Variants in PATJ observed in about 807,000 individuals in gnomAD.
The protein encoded by PATJ is PATJ crumbs cell polarity complex component, also known as inaD-like protein.
PATJ carries 190 observed loss-of-function variants against 224.9 expected under a neutral mutation model. The observed-to-expected ratio is 0.84, with a 90% CI of 0.75 to 0.95. The LOEUF is 0.95. Ranked by LOEUF, PATJ falls within the 40% of genes least tolerant of loss-of-function variation. The probability of loss-of-function intolerance (pLI) is 0.00; values close to 1 mark genes in which losing one functional copy is unlikely to be tolerated. For synonymous variants in PATJ, 769 were observed against 820.3 expected (o/e 0.94, Z 1.07); for missense variants, 2,121 against 2,270.3 (o/e 0.93, Z 1.34).
chr1:62,127,368 A>G (rs1665822813), intron 39 of PATJ, among the ~76,000 whole-genome samples: 1 of 151,242 alleles, frequency 6.6e-6, no homozygotes, highest in East Asian at 1.9e-4. Context: ...CAGGCATACA[A>G]GCCTGAGAAC....
intron 7 of PATJ, among the ~76,000 whole-genome samples, chr1:61,783,569 T>C (rs931898303): frequency 1.3e-5 from 2 of 150,658 alleles, no homozygotes; most frequent in East Asian, 2.0e-4. Flanking sequence ...GCATGAGCCA[T>C]GGTACCTGGA....
At chr1:62,077,921 G>A (rs535887431) in intron 31 of PATJ, among the ~76,000 whole-genome samples, 1 of 152,332 alleles carries the variant, frequency 6.6e-6, no homozygotes, top group East Asian at 1.9e-4. Context: ...AACTGTCGGG[G>A]TTGTTCATGT....
intron 24 of PATJ, among the ~76,000 whole-genome samples, chr1:61,902,543 G>A (rs1227867977): frequency 3.3e-5 from 5 of 152,052 alleles, no homozygotes; most frequent in Non-Finnish European, 7.4e-5. Context: ...AAAATCGATA[G>A]CATTATTGTG....
rs1668787845 is a variant in PATJ at position 61,886,062 on chromosome 1, G to T, written c.3131+1654G>T. 3.3e-5 allele frequency among the ~76,000 whole-genome samples: 5 copies of T among 151,910 alleles called. No individual in the cohort carries two copies. In the South Asian group the frequency reaches 1.0e-3, roughly 32 times the overall value. On this transcript the variant is annotated intron_variant, in intron 22 of 43. Transcript: ENST00000642238. ...GGATGGGGGAGTGATAGCATTAGGA[G>T]ATATACCTAATGCTAAATGACGAGT...
intron 42 of PATJ, among the ~76,000 whole-genome samples, chr1:62,151,812 A>G (rs1668666292): frequency 6.6e-6 from 1 of 152,204 alleles, no homozygotes; most frequent in Non-Finnish European, 1.5e-5. Flanking sequence ...ACTACCTATC[A>G]TAAATAAGAC....
intron 27 of PATJ, among the ~76,000 whole-genome samples, chr1:61,957,634 G>A (rs996067284): frequency 1.1e-4 from 16 of 152,144 alleles, no homozygotes; most frequent in South Asian, 6.2e-4. Context: ...TTTGTGACCC[G>A]TGAACCTTTG....
chr1:62,133,504 C>A (rs1201264164), intron 41 of PATJ, among the ~76,000 whole-genome samples: 1 of 152,096 alleles, frequency 6.6e-6, no homozygotes. Context: ...ACAGCTTGAA[C>A]CCGGAGAGTA....
At chr1:61,755,634 T>C (rs1048509234) in intron 1 of PATJ, among the ~76,000 whole-genome samples, 4 of 152,188 alleles carry the variant, frequency 2.6e-5, no homozygotes, top group Non-Finnish European at 4.4e-5. Flanking sequence ...CTGCTTAGCA[T>C]TGTTTACAAG....
intron 39 of PATJ, among the ~76,000 whole-genome samples, chr1:62,126,059 C>T (rs146588864): frequency 2.0e-5 from 3 of 152,360 alleles, no homozygotes; most frequent in African/African-American, 7.2e-5. Context: ...GAGTGAGCCA[C>T]CACACCCAGC....
At chr1:61,971,473 G>T (rs935113389) in intron 27 of PATJ, among the ~76,000 whole-genome samples, 7 of 151,236 alleles carry the variant, frequency 4.6e-5, no homozygotes, top group African/African-American at 1.7e-4. Flanking sequence ...AATTAGCCAG[G>T]CATGGTGGTG....
intron 39 of PATJ, among the ~76,000 whole-genome samples, chr1:62,125,422 T>C (rs533612986): frequency 1.3e-5 from 2 of 152,242 alleles, no homozygotes; most frequent in South Asian, 4.1e-4. Flanking sequence ...TAGCACCTAG[T>C]GCATCAGGAA....
At chr1:62,036,357 G>A (rs1650377939) in intron 29 of PATJ, among the ~76,000 whole-genome samples, 1 of 152,178 alleles carries the variant, frequency 6.6e-6, no homozygotes, top group African/African-American at 2.4e-5. Flanking sequence ...AAGTACAGAT[G>A]AGGAAGATAA....
At position 61,791,426 on chromosome 1, in the gene PATJ, T is replaced by C; in HGVS notation, c.1147T>C (p.Tyr383His). The C allele has an allele frequency of 6.2e-7, 1 of 1,603,028 alleles. No individual in the cohort carries two copies. The highest frequency in any genetic ancestry group is 8.5e-7 in the Non-Finnish European group (1 of 1,170,020). ...GQSLGIRIVG[Y>H]VGTSHTGEAS... ...GAGTCTTGGAATTAGAATTGTTGGCTATGTTGGAACATCTCATACAGGTAA... is the reference window on the plus strand; with the variant it reads ...GAGTCTTGGAATTAGAATTGTTGGCCATGTTGGAACATCTCATACAGGTAA... The change falls in exon 9 of 44, where the codon TAT becomes CAT. Residue 383 changes from tyrosine (Y) to histidine (H), a missense_variant. Transcript: ENST00000642238.
At chr1:62,068,541 T>G (rs1015178309) in intron 31 of PATJ, among the ~76,000 whole-genome samples, 1 of 152,200 alleles carries the variant, frequency 6.6e-6, no homozygotes, top group African/African-American at 2.4e-5. Flanking sequence ...TTGGGTCTAC[T>G]TTGGAAAATC....
At chr1:61,886,864 C>G (rs1668944828) in intron 22 of PATJ, among the ~76,000 whole-genome samples, 1 of 147,900 alleles carries the variant, frequency 6.8e-6, no homozygotes, top group Non-Finnish European at 1.5e-5. Flanking sequence ...ACCCGTAGTC[C>G]CAGCTACTAG....
chr1:61,868,745 C>T (rs1456596941), intron 20 of PATJ, among the ~76,000 whole-genome samples: 7 of 151,808 alleles, frequency 4.6e-5, no homozygotes, highest in African/African-American at 1.2e-4. Flanking sequence ...ACTGAGATTG[C>T]GCCACTGCAC....
At chr1:61,867,793 T>A (rs1344184582) in intron 20 of PATJ, among the ~76,000 whole-genome samples, 1 of 152,188 alleles carries the variant, frequency 6.6e-6, no homozygotes, top group Non-Finnish European at 1.5e-5. Flanking sequence ...AGGATGGGCT[T>A]GAATATTTGC....
intron 26 of PATJ, among the ~76,000 whole-genome samples, chr1:61,915,281 C>A (rs1032153575): frequency 6.6e-6 from 1 of 152,172 alleles, no homozygotes. Context: ...CACTGATTTG[C>A]AGTCCAACTC....
Position 62,093,565 on chromosome 1 carries a change from C to T in PATJ, c.4377+8917C>T, listed in dbSNP as rs1395573459. On this transcript the variant is annotated intron_variant, in intron 33 of 43. Coordinates refer to ENST00000642238, the MANE Select transcript of PATJ (RefSeq NM_001350145.3). ...TATTTTTATACAAAACATCTTATTA[C>T]CTTAGTTTTATTTTAAAATCAAAGC... is the stretch of plus-strand genomic sequence containing the variant. Among the ~76,000 whole-genome samples, 4 of 152,060 alleles carry T rather than the reference C, an allele frequency of 2.6e-5. No individual in the cohort carries two copies. In the East Asian group the frequency reaches 7.7e-4, roughly 29 times the overall value.
Sources: allele counts gnomAD v4.1 joint callset (sites outside exome capture counted in the v4.1 genomes callset), GRCh38; gene constraint gnomAD v4.1.1; transcripts MANE v1.5; gene names NCBI Gene and HGNC (gene_info 2026-07-23, HGNC 2026-07-21).